Variants in CTNND2 observed in about 807,000 individuals in gnomAD.
CTNND2 encodes catenin delta-2.
Under a neutral mutation model 144.4 loss-of-function variants are expected in CTNND2, and 22 were observed. The observed-to-expected ratio is 0.15, with a 90% confidence interval of 0.11 to 0.22. CTNND2 has a LOEUF of 0.22. CTNND2 is among the 10% of genes least tolerant of loss of function. CTNND2 has a pLI of 1.00. For synonymous variants in CTNND2, 751 were observed against 695.6 expected, an observed-to-expected ratio of 1.08 and a Z score of -1.25; for missense variants, 1,353 against 1,618.8, an observed-to-expected ratio of 0.84 and a Z score of 2.82.
At chr5:11,364,965 C>A in intron 7 of CTNND2, 75 bp from the exon 8 acceptor site, 2 of 1,341,386 alleles carry the variant, frequency 1.5e-6, no homozygotes, top group East Asian at 2.5e-5. Context: ...AAGACATATT[C>A]AAATTTTTTT....
chr5:11,079,068 A>G (rs995625546), intron 16 of CTNND2, among the ~76,000 whole-genome samples: 1 of 152,188 alleles, frequency 6.6e-6, no homozygotes, highest in Non-Finnish European at 1.5e-5. Context: ...GGCAGGAGAA[A>G]AAGTGGCTGC....
chr5:11,864,719 A>C (rs1795662829), intron 1 of CTNND2, among the ~76,000 whole-genome samples: 1 of 152,064 alleles, frequency 6.6e-6, no homozygotes, highest in Non-Finnish European at 1.5e-5. Context: ...GCCTAACTTA[A>C]GAGCAGCCCT....
intron 16 of CTNND2, among the ~76,000 whole-genome samples, chr5:11,036,967 G>A (rs183357280): frequency 8.2e-4 from 125 of 152,258 alleles, no homozygotes; most frequent in Middle Eastern, 6.8e-3. Context: ...TAAAATATGA[G>A]CATTATGATT....
intron 9 of CTNND2, among the ~76,000 whole-genome samples, chr5:11,281,135 C>A (rs147229895): frequency 1.3e-5 from 2 of 152,154 alleles, no homozygotes; most frequent in African/African-American, 2.4e-5. Flanking sequence ...TTTATGTTTT[C>A]GGCCTTTTAA....
At chr5:11,777,733 T>C (rs1790332750) in intron 1 of CTNND2, among the ~76,000 whole-genome samples, 1 of 152,206 alleles carries the variant, frequency 6.6e-6, no homozygotes, top group Admixed American at 6.5e-5. Context: ...ATCTTAGTTT[T>C]AGTTCTTGAA....
intron 3 of CTNND2, among the ~76,000 whole-genome samples, chr5:11,485,345 CTGTGTGTGTGTGTG>C (rs375624492): frequency 2.0e-5 from 3 of 148,736 alleles, no homozygotes; most frequent in East Asian, 2.0e-4. Flanking sequence ...GAGACAGAGA[CTGTGTGTGTGTGTG>C]TGTGTGTGTG....
intron 3 of CTNND2, among the ~76,000 whole-genome samples, chr5:11,535,145 G>A (rs370934140): frequency 2.0e-5 from 3 of 148,466 alleles, no homozygotes; most frequent in South Asian, 4.3e-4. Flanking sequence ...CTGAGATCAC[G>A]CCACTGCACT....
intron 9 of CTNND2, among the ~76,000 whole-genome samples, chr5:11,272,520 C>T (rs1272089475): frequency 6.6e-6 from 1 of 152,184 alleles, no homozygotes; most frequent in Non-Finnish European, 1.5e-5. Flanking sequence ...CCAAACAAAA[C>T]CCAATTTTTC....
chr5:11,258,406 T>C (rs539091561), intron 9 of CTNND2, among the ~76,000 whole-genome samples: 21 of 152,308 alleles, frequency 1.4e-4, no homozygotes, highest in Admixed American at 3.9e-4. Context: ...TCATCAACAT[T>C]GCTATTACTG....
chr5:11,253,555 A>G (rs534002307), intron 9 of CTNND2, among the ~76,000 whole-genome samples: 200 of 152,234 alleles, frequency 1.3e-3, no homozygotes, highest in African/African-American at 4.5e-3. Context: ...ACCTTCCACC[A>G]TGATTGTGAG....
intron 3 of CTNND2, among the ~76,000 whole-genome samples, chr5:11,421,786 T>C (rs1430134556): frequency 6.6e-6 from 1 of 152,090 alleles, no homozygotes; most frequent in Non-Finnish European, 1.5e-5. Context: ...GTCTATGAGT[T>C]TGCAGTCAGG....
chr5:11,617,235 T>C (rs1323845085), intron 2 of CTNND2, among the ~76,000 whole-genome samples: 1 of 152,206 alleles, frequency 6.6e-6, no homozygotes, highest in African/African-American at 2.4e-5. Context: ...TATCTTGGGT[T>C]ACGACACTGA....
At chr5:10,985,197 G>A (rs1318958411) in intron 20 of CTNND2, among the ~76,000 whole-genome samples, 4 of 152,202 alleles carry the variant, frequency 2.6e-5, no homozygotes, top group African/African-American at 9.6e-5. Context: ...CAGATGGGAA[G>A]GGAAAACCTC....
chr5:11,704,285 C>A (rs551417713), intron 2 of CTNND2, among the ~76,000 whole-genome samples: 1 of 152,346 alleles, frequency 6.6e-6, no homozygotes, highest in Non-Finnish European at 1.5e-5. Flanking sequence ...CTGACATTCA[C>A]TACAGGAAGA....
intron 11 of CTNND2, among the ~76,000 whole-genome samples, chr5:11,179,564 G>A (rs1760809079): frequency 6.6e-6 from 1 of 151,894 alleles, no homozygotes; most frequent in African/African-American, 2.4e-5. Context: ...ATTCTATAAT[G>A]TCTCCATTTT....
intron 20 of CTNND2, among the ~76,000 whole-genome samples, chr5:10,982,635 A>T (rs1036706949): frequency 6.6e-6 from 1 of 152,240 alleles, no homozygotes; most frequent in Non-Finnish European, 1.5e-5. Context: ...TCACCTAGCA[A>T]TCCCACTGCT....
At chr5:11,499,236 C>T (rs1382085993) in intron 3 of CTNND2, among the ~76,000 whole-genome samples, 2 of 152,034 alleles carry the variant, frequency 1.3e-5, no homozygotes. Context: ...GGGAGCAAAG[C>T]CTCCTGAAAC....
chr5:11,404,713 G>T (rs1760946720), intron 5 of CTNND2, among the ~76,000 whole-genome samples: 1 of 140,088 alleles, frequency 7.1e-6, no homozygotes, highest in South Asian at 2.4e-4. Flanking sequence ...TGCTTCCCAG[G>T]TTCAAGCGAT....
intron 1 of CTNND2, among the ~76,000 whole-genome samples, chr5:11,890,041 A>G (rs1016921264): frequency 2.0e-5 from 3 of 152,204 alleles, no homozygotes; most frequent in Non-Finnish European, 4.4e-5. Context: ...ATAATTATAT[A>G]TGTTGTGTAC....
Sources: allele counts gnomAD v4.1 joint callset (sites outside exome capture counted in the v4.1 genomes callset), GRCh38; gene constraint gnomAD v4.1.1; transcripts MANE v1.5; gene names NCBI Gene and HGNC (gene_info 2026-07-23, HGNC 2026-07-21).